GLI3: variants seen among roughly 807,000 people sequenced by gnomAD.
GLI3 encodes the protein transcription activator GLI3.
In GLI3, 20 loss-of-function variants were observed where a neutral mutation model predicts 100.8. The ratio of observed to expected loss-of-function variants is 0.20; its 90% CI spans 0.14 to 0.29. The LOEUF is 0.29. GLI3 is among the 10% of genes least tolerant of loss of function. The probability of loss-of-function intolerance (pLI) is 1.00; values close to 1 mark genes in which losing one functional copy is unlikely to be tolerated. For missense variants in GLI3, 2,040 were observed against 2,128.5 expected (o/e 0.96, Z 0.82); for synonymous variants, 938 against 860.5 (o/e 1.09, Z -1.58).
chr7:42,187,729 G>C (rs1047604034), intron 2 of GLI3, among the ~76,000 whole-genome samples: 1 of 151,932 alleles, frequency 6.6e-6, no homozygotes, highest in African/African-American at 2.4e-5. Flanking sequence ...GCAGAGCCGG[G>C]CACAGTGGCT....
intron 4 of GLI3, among the ~76,000 whole-genome samples, chr7:42,072,994 G>C (rs574990430): frequency 1.3e-5 from 2 of 152,136 alleles, no homozygotes; most frequent in Non-Finnish European, 1.5e-5. Context: ...GAGGAAACGG[G>C]AAGATTCCTC....
intron 2 of GLI3, among the ~76,000 whole-genome samples, chr7:42,177,419 G>A (rs996078949): frequency 5.9e-5 from 9 of 152,094 alleles, no homozygotes; most frequent in African/African-American, 7.2e-5. Context: ...ATATAAGGGC[G>A]GAAAATGAAG....
chr7:41,998,848 G>A (rs951578588), intron 10 of GLI3, among the ~76,000 whole-genome samples: 4 of 152,146 alleles, frequency 2.6e-5, no homozygotes, highest in Admixed American at 2.0e-4. Flanking sequence ...CAATTATTTT[G>A]CATCTTTCTC....
intron 2 of GLI3, among the ~76,000 whole-genome samples, chr7:42,177,857 T>G (rs899945892): frequency 4.6e-5 from 7 of 152,182 alleles, no homozygotes; most frequent in African/African-American, 1.7e-4. Context: ...GCTGCTGGGA[T>G]GTCTAACATA....
At chr7:42,021,349 A>G (rs1788936477) in intron 10 of GLI3, among the ~76,000 whole-genome samples, 1 of 152,200 alleles carries the variant, frequency 6.6e-6, no homozygotes, top group Admixed American at 6.5e-5. Flanking sequence ...TCCACTGTAT[A>G]TGTGCGCATT....
At chr7:42,251,591 A>G (rs2128710440) in intron 1 of GLI3, among the ~76,000 whole-genome samples, 1 of 152,252 alleles carries the variant, frequency 6.6e-6, no homozygotes, top group East Asian at 1.9e-4. Flanking sequence ...AGGAGAGCAG[A>G]GAGAGAAGAA....
chr7:42,018,341 G>C (rs1267261324), intron 10 of GLI3, among the ~76,000 whole-genome samples: 1 of 152,104 alleles, frequency 6.6e-6, no homozygotes, highest in Non-Finnish European at 1.5e-5. Context: ...CCACTCATTT[G>C]TTTTATGTTT....
chr7:41,966,842 T>C lies in GLI3; in HGVS notation c.2432-201A>G, dbSNP rs1224636675. On this transcript the variant is annotated intron_variant, in intron 14 of 14. Transcript: ENST00000395925. This position sits in a 1 kb window ranked among gnomAD's most constrained non-coding sequence, Gnocchi z 5.8. ...ACAGAGAGCAGTGAGCAAGCAAGCG[T>C]GGCGGGGTGTCCATGAAGCTTCCTT... 1.3e-5 allele frequency among the ~76,000 whole-genome samples: 2 copies of C among 151,732 alleles called. No individual in the cohort carries two copies. The highest frequency in any genetic ancestry group is 2.9e-5 in the Non-Finnish European group (2 of 67,904).
At chr7:42,184,094 A>ACT (rs1220403105) in intron 2 of GLI3, among the ~76,000 whole-genome samples, 1 of 152,152 alleles carries the variant, frequency 6.6e-6, no homozygotes, top group Non-Finnish European at 1.5e-5. Context: ...CATGCAAAAC[A>ACT]CTCAGAATGG....
At chr7:42,089,968 A>T (rs1021580962) in intron 3 of GLI3, among the ~76,000 whole-genome samples, 6 of 152,160 alleles carry the variant, frequency 3.9e-5, no homozygotes, top group African/African-American at 1.4e-4. Flanking sequence ...GGTGGAGCCT[A>T]CTACACGCCC....
chr7:42,175,353 C>T (rs913894901), intron 2 of GLI3, among the ~76,000 whole-genome samples: 5 of 152,206 alleles, frequency 3.3e-5, no homozygotes, highest in African/African-American at 4.8e-5. Flanking sequence ...TACAGTGGCT[C>T]ATGCCTGTAA....
intron 3 of GLI3, among the ~76,000 whole-genome samples, chr7:42,128,597 A>C (rs1279406334): frequency 2.6e-5 from 4 of 152,254 alleles, no homozygotes; most frequent in Non-Finnish European, 5.9e-5. Flanking sequence ...TAAGGAGAAT[A>C]AAATACATCT....
intron 6 of GLI3, among the ~76,000 whole-genome samples, chr7:42,043,107 C>A (rs986615854): frequency 6.6e-6 from 1 of 152,034 alleles, no homozygotes. Context: ...TGAAGAGTGA[C>A]CAGATAGATC....
chr7:42,100,662 A>G (rs1413329217), intron 3 of GLI3, among the ~76,000 whole-genome samples: 1 of 152,054 alleles, frequency 6.6e-6, no homozygotes, highest in Non-Finnish European at 1.5e-5. Flanking sequence ...GGATCACTTG[A>G]AGCCAGGGGG....
intron 2 of GLI3, among the ~76,000 whole-genome samples, chr7:42,217,634 G>A (rs1280505856): frequency 1.3e-5 from 2 of 152,134 alleles, no homozygotes; most frequent in Admixed American, 1.3e-4. Context: ...GATTTAAGAA[G>A]GCATTTACAA....
At position 42,189,971 on chromosome 7, in the gene GLI3, A is replaced by AACACACACACAC. The variant is rs57107204; in HGVS notation, c.124+33147_124+33158dup. On this transcript the variant is annotated intron_variant, in intron 2 of 14. Coordinates refer to ENST00000395925, the MANE Select transcript of GLI3 (RefSeq NM_000168.6). ...AACACATATATGTGTGCATGGGCTC[A>AACACACACACAC]ACACACACACACACACACACACACA... 1.6e-4 allele frequency among the ~76,000 whole-genome samples: 23 copies of AACACACACACAC among 143,324 alleles called. 1 individual carries two copies. The highest frequency in any genetic ancestry group is 2.4e-4 in the Non-Finnish European group (16 of 65,742). The allele number at this position is 143,324 out of a possible 152,430, so 94.0% of individuals were successfully genotyped here.
At chr7:41,993,470 C>T (rs114767301) in intron 10 of GLI3, among the ~76,000 whole-genome samples, 2,138 of 152,294 alleles carry the variant, frequency 0.014, 42 homozygotes, top group African/African-American at 0.049. Context: ...CCCTACCCTG[C>T]TGCTCTCCCT....
chr7:42,202,824 C>A (rs1788074484), intron 2 of GLI3, among the ~76,000 whole-genome samples: 2 of 152,192 alleles, frequency 1.3e-5, no homozygotes, highest in Non-Finnish European at 2.9e-5. Context: ...AACCACCACA[C>A]CAACCTCAGG....
At position 42,219,853 on chromosome 7, in the gene GLI3, CT is replaced by C. The variant is rs769305998; in HGVS notation, c.124+3276del. 2.8e-3 allele frequency among the ~76,000 whole-genome samples: 375 copies of C among 133,676 alleles called. 1 individual carries two copies. The highest frequency in any genetic ancestry group is 3.9e-3 in the Middle Eastern group (1 of 258). The allele number at this position is 133,676 out of a possible 152,430, so 87.7% of individuals were successfully genotyped here. On this transcript the variant is annotated intron_variant, in intron 2 of 14. Coordinates refer to ENST00000395925, the MANE Select transcript of GLI3 (RefSeq NM_000168.6). ...TTCATTTGGTTTTTGAAACTGAACT[CT>C]TTTTTTTTTTTTTTTTTGAGACAGA... is the stretch of plus-strand genomic sequence containing the variant.
Sources: gnomAD v4.1 joint callset for allele counts (sites outside exome capture counted in the v4.1 genomes callset) on GRCh38, gnomAD v4.1.1 for gene constraint, Gnocchi (gnomAD v3.1) non-coding constraint, MANE v1.5 for transcripts, NCBI Gene and HGNC (gene_info 2026-07-23, HGNC 2026-07-21) for gene names.